Variants in ZNF736 observed in about 807,000 individuals in gnomAD.
The protein encoded by ZNF736 is KRAB-containing zinc-finger repressor protein.
A neutral mutation model predicts 11.7 loss-of-function variants in ZNF736; 6 were observed. The observed-to-expected ratio is 0.51, with a 90% CI of 0.28 to 1.01. The LOEUF (loss-of-function observed/expected upper bound fraction) is 1.01. ZNF736 is among the 50% of genes least tolerant of loss of function. The probability of loss-of-function intolerance (pLI) is 0.09; values close to 1 mark genes in which losing one functional copy is unlikely to be tolerated. For synonymous variants in ZNF736, 139 were observed against 164.7 expected (o/e 0.84, Z 1.19); for missense variants, 444 against 496.0 (o/e 0.90, Z 1.00).
intron 3 of ZNF736, among the ~76,000 whole-genome samples, chr7:64,345,943 T>C (rs1789405032): frequency 6.6e-6 from 1 of 152,180 alleles, no homozygotes; most frequent in Non-Finnish European, 1.5e-5. Flanking sequence ...GAAAAGAATG[T>C]GTATTCTGCT....
rs374769601 is a variant in ZNF736 at position 64,326,409 on chromosome 7, G to A, written c.4-9850G>A. Among the ~76,000 whole-genome samples the A allele has an allele frequency of 7.9e-5, 12 of 152,308 alleles. No homozygotes were observed. The South Asian group carries it at 2.3e-3, about 29-fold the overall frequency. On this transcript the variant is annotated intron_variant, in intron 1 of 3. Coordinates refer to ENST00000423484, the MANE Select transcript of ZNF736 (RefSeq NM_001170905.3). Reference sequence around the variant, plus strand: ...AGCCATTCCAGCCCCATCTTTCAATGCACTTGGCACCTTCAGACCTGAAAG... The same window carrying A: ...AGCCATTCCAGCCCCATCTTTCAATACACTTGGCACCTTCAGACCTGAAAG...
chr7:64,326,772 T>G (rs1789088539), intron 1 of ZNF736, among the ~76,000 whole-genome samples: 1 of 152,166 alleles, frequency 6.6e-6, no homozygotes. Context: ...CAAGAACATT[T>G]TAAATTTTTT....
At chr7:64,332,678 C>G (rs1185058262) in intron 1 of ZNF736, among the ~76,000 whole-genome samples, 1 of 152,094 alleles carries the variant, frequency 6.6e-6, no homozygotes, top group East Asian at 1.9e-4. Context: ...GTATCTCAGT[C>G]CTTATCTCAA....
At position 64,349,628 on chromosome 7, in the gene ZNF736, C is replaced by G. The variant is rs560516365; in HGVS notation, c.*481C>G. On this transcript the variant is annotated 3_prime_UTR_variant, in exon 4 of 4. Coordinates refer to ENST00000423484, the MANE Select transcript of ZNF736 (RefSeq NM_001170905.3). Reference sequence around the variant, plus strand: ...TAGGATCTTAGCTGGCTATTTTGCACATTTGTTTCTGTGGTTGCTTTATAG... The same window carrying G: ...TAGGATCTTAGCTGGCTATTTTGCAGATTTGTTTCTGTGGTTGCTTTATAG... The G allele has an allele frequency of 1.1e-4, 17 of 154,484 alleles. No homozygotes were observed. The highest frequency in any genetic ancestry group is 3.4e-4 in the African/African-American group (14 of 41,548). The allele number at this position is 154,484 out of a possible 1,614,324, so 9.6% of individuals were successfully genotyped here.
intron 1 of ZNF736, among the ~76,000 whole-genome samples, chr7:64,328,863 T>C (rs529302740): frequency 2.0e-5 from 3 of 152,272 alleles, no homozygotes; most frequent in African/African-American, 7.2e-5. Context: ...TATGGGAAGT[T>C]CTAGTTATCC....
rs1789512965 is a variant in ZNF736 at position 64,353,141 on chromosome 7, G to T, written c.*3994G>T. Reference sequence around the variant, plus strand: ...TAAACTGAAGGCCTTGGTGAAGTGGGTTCATGAGGGTATCTCCTCACCTGA... The same window carrying T: ...TAAACTGAAGGCCTTGGTGAAGTGGTTTCATGAGGGTATCTCCTCACCTGA... On this transcript the variant is annotated 3_prime_UTR_variant, in exon 4 of 4. Coordinates refer to ENST00000423484, the MANE Select transcript of ZNF736 (RefSeq NM_001170905.3). The T allele has an allele frequency of 6.6e-6, 1 of 152,228 alleles. No individual in the cohort carries two copies. The highest frequency in any genetic ancestry group is 2.1e-4 in the South Asian group (1 of 4,832). 9.4% of individuals were successfully genotyped at this position (152,228 alleles called of 1,614,324 possible).
rs377630524 is a variant in ZNF736, at chr7:64,353,597, G to T, written c.*4450G>T. On this transcript the variant is annotated 3_prime_UTR_variant, in exon 4 of 4. Transcript: ENST00000423484. ...GTCAGTGGTTGCACCAGAGTTGTGA[G>T]AGGTTCTTCTATATTAGATGGACAG... The T allele has an allele frequency of 7.7e-4, 117 of 152,340 alleles. No individual in the cohort carries two copies. The highest frequency in any genetic ancestry group is 2.7e-3 in the African/African-American group (111 of 41,572). 9.4% of individuals were successfully genotyped at this position (152,340 alleles called of 1,614,324 possible). A position where few individuals can be genotyped will look rare whatever the true frequency, so the allele number is the denominator to read the frequency against.
intron 1 of ZNF736, among the ~76,000 whole-genome samples, chr7:64,320,894 G>C (rs765484264): frequency 7.9e-5 from 12 of 152,056 alleles, no homozygotes; most frequent in African/African-American, 1.9e-4. Flanking sequence ...GCATTTTGGG[G>C]TCATCTGAAG....
chr7:64,329,792 A>G (rs536299350), intron 1 of ZNF736, among the ~76,000 whole-genome samples: 15 of 152,298 alleles, frequency 9.8e-5, no homozygotes, highest in Middle Eastern at 3.4e-3. Context: ...TCAAGACCCA[A>G]GTTCTCTTCA....
chr7:64,342,372 C>G (rs1313646888), intron 3 of ZNF736, among the ~76,000 whole-genome samples: 1 of 152,068 alleles, frequency 6.6e-6, no homozygotes, highest in Non-Finnish European at 1.5e-5. Flanking sequence ...ATCTAAACAT[C>G]TATTTCACTT....
rs1788876086 is a variant in ZNF736, at chr7:64,314,075, T to C, written c.-76T>C. The C allele has an allele frequency of 1.4e-5, 22 of 1,545,320 alleles. No homozygotes were observed. The South Asian group carries it at 2.6e-4, about 18-fold the overall frequency. Reference sequence around the variant, plus strand: ...CTGGAGTTCCTCGGTGACTCTACTATAGCTTCTGTTATCCTGTGACCTGCA... The same window carrying C: ...CTGGAGTTCCTCGGTGACTCTACTACAGCTTCTGTTATCCTGTGACCTGCA... On this transcript the variant is annotated 5_prime_UTR_variant, in exon 1 of 4. Transcript: ENST00000423484.
chr7:64,329,975 C>T (rs941755975), intron 1 of ZNF736, among the ~76,000 whole-genome samples: 2 of 152,100 alleles, frequency 1.3e-5, no homozygotes, highest in Non-Finnish European at 2.9e-5. Flanking sequence ...AGACAACATC[C>T]TTCCTACTCT....
At position 64,348,795 on chromosome 7, in the gene ZNF736, A is replaced by G; in HGVS notation, c.932A>G (p.Lys311Arg). The G allele has an allele frequency of 6.3e-7, 1 of 1,586,916 alleles. No individual in the cohort carries two copies. The highest frequency in any genetic ancestry group is 8.6e-7 in the Non-Finnish European group (1 of 1,166,586). Reference protein sequence around the residue: ...AKHKIIHTGDKPYTCNECGKA... With the variant: ...AKHKIIHTGDRPYTCNECGKA... ...CATAAGATAATTCATACTGGAGACA[A>G]ACCCTACACATGTAATGAATGTGGA... is the stretch of plus-strand genomic sequence containing the variant. The change falls in exon 4 of 4, where the codon AAA (lysine) becomes AGA (arginine). Residue 311 changes from lysine to arginine, a missense_variant. Physicochemically the swap from Lys to Arg is conservative, Grantham distance 26 (BLOSUM62 2). Coordinates refer to ENST00000423484, the MANE Select transcript of ZNF736 (RefSeq NM_001170905.3).
At chr7:64,337,674 G>C (rs1041335283) in intron 3 of ZNF736, among the ~76,000 whole-genome samples, 1 of 150,946 alleles carries the variant, frequency 6.6e-6, no homozygotes, top group African/African-American at 2.4e-5. Context: ...TACTTCATAC[G>C]TTTATTAAAT....
intron 1 of ZNF736, among the ~76,000 whole-genome samples, chr7:64,323,117 G>C (rs1416470374): frequency 1.3e-5 from 2 of 152,090 alleles, no homozygotes; most frequent in Non-Finnish European, 2.9e-5. Flanking sequence ...AAAGACATCT[G>C]CCTTTATGTA....
intron 1 of ZNF736, among the ~76,000 whole-genome samples, chr7:64,327,266 A>T (rs1789095438): frequency 6.6e-6 from 1 of 152,142 alleles, no homozygotes; most frequent in African/African-American, 2.4e-5. Context: ...TGGCCACTTT[A>T]TTATAATAAC....
chr7:64,348,596 G>A lies in ZNF736; in HGVS notation c.733G>A (p.Val245Ile). ...AACTTTTACCTGCTCCTCAACCCTT[G>A]TTAAACACAAGAGAAATCATACTGG... The part of the protein sequence containing the change: ...GKTFTCSSTL[V>I]KHKRNHTGDR... The change falls in exon 4 of 4, where the codon GTT becomes ATT. Residue 245 changes from valine to isoleucine, a missense_variant. By Grantham distance (29) the Val-to-Ile change is conservative (BLOSUM62 3). Transcript: ENST00000423484. The A allele has an allele frequency of 6.3e-7, 1 of 1,594,316 alleles. No individual in the cohort carries two copies. Among genetic ancestry groups the A allele is most frequent in the Non-Finnish European group, 8.5e-7 (1 of 1,170,760 alleles).
chr7:64,336,316 C>G lies in ZNF736; in HGVS notation c.61C>G (p.Leu21Val). The G allele has an allele frequency of 6.2e-7, 1 of 1,613,658 alleles. No individual in the cohort carries two copies. Among genetic ancestry groups the G allele is most frequent in the African/African-American group, 1.3e-5 (1 of 75,030 alleles). The part of the protein sequence containing the change: ...VEFSPEEWEC[L>V]DSAQQRLYRD... ...ATTCTCCCCAGAAGAGTGGGAATGCCTGGACTCTGCTCAGCAGCGTTTGTA... is the reference window on the plus strand; with the variant it reads ...ATTCTCCCCAGAAGAGTGGGAATGCGTGGACTCTGCTCAGCAGCGTTTGTA... The change falls in exon 2 of 4, where the codon CTG (leucine) becomes GTG (valine). Residue 21 changes from leucine to valine, a missense_variant. Leu to Val is a conservative substitution (Grantham distance 32). Coordinates refer to ENST00000423484, the MANE Select transcript of ZNF736 (RefSeq NM_001170905.3).
In ZNF736 at chr7:64,348,730, A is replaced by G; in HGVS notation, c.867A>G (p.Glu289=). 6.2e-7 allele frequency: 1 copy of G among 1,606,450 alleles called. No individual in the cohort carries two copies. The highest frequency in any genetic ancestry group is 8.5e-7 in the Non-Finnish European group (1 of 1,176,402). ...HTGEKPYKCE[E]CNKAYRWFSD... is the part of the protein sequence containing the mutation. ...GAGAGAAACCCTACAAATGTGAAGAATGTAACAAAGCCTATAGGTGGTTCT... is the reference window on the plus strand; with the variant it reads ...GAGAGAAACCCTACAAATGTGAAGAGTGTAACAAAGCCTATAGGTGGTTCT... The change falls in exon 4 of 4, where the codon GAA becomes GAG. Residue 289 remains glutamate (E), a synonymous_variant. Transcript: ENST00000423484.
Sources: gnomAD v4.1 joint callset for allele counts (sites outside exome capture counted in the v4.1 genomes callset) on GRCh38, gnomAD v4.1.1 for gene constraint, MANE v1.5 for transcripts, NCBI Gene and HGNC (gene_info 2026-07-23, HGNC 2026-07-21) for gene names.